Variants in ARHGAP39 observed in about 807,000 individuals in gnomAD.
ARHGAP39 encodes the protein Rho GTPase activating protein 39, also known as rho GTPase-activating protein 39.
A neutral mutation model predicts 106.9 loss-of-function variants in ARHGAP39; 44 were observed. The observed-to-expected ratio is 0.41, with a 90% CI of 0.32 to 0.53. The LOEUF is 0.53. ARHGAP39 is among the 20% of genes least tolerant of loss of function. ARHGAP39 has a pLI of 0.21. For synonymous variants in ARHGAP39, 768 were observed against 693.2 expected (o/e 1.11, Z -1.69); for missense variants, 1,496 against 1,577.3 (o/e 0.95, Z 0.87).
chr8:144,678,668 G>A (rs974699079), intron 1 of ARHGAP39, among the ~76,000 whole-genome samples: 7 of 152,320 alleles, frequency 4.6e-5, no homozygotes, highest in African/African-American at 1.2e-4. Context: ...TGAGCCTGGC[G>A]CCATCCTGTG....
upstream of ARHGAP39, among the ~76,000 whole-genome samples, chr8:144,686,944 C>CCG (rs1563738926): frequency 9.0e-5 from 4 of 44,402 alleles, no homozygotes; most frequent in African/African-American, 2.4e-4. Context: ...TTTCCCACCC[C>CCG]TGTGACCACG....
intron 3 of ARHGAP39, among the ~76,000 whole-genome samples, chr8:144,579,471 G>A (rs1818888694): frequency 6.6e-6 from 1 of 152,050 alleles, no homozygotes; most frequent in African/African-American, 2.4e-5. Flanking sequence ...AGCCTCCGCT[G>A]CTCACCCTGC....
intron 1 of ARHGAP39, among the ~76,000 whole-genome samples, chr8:144,636,044 G>A (rs1563718108): frequency 6.7e-6 from 1 of 150,126 alleles, no homozygotes; most frequent in East Asian, 2.0e-4. Flanking sequence ...ATTAGAGGGG[G>A]CTGAGCACTT....
At chr8:144,570,631 T>C (rs1161523023) in intron 3 of ARHGAP39, among the ~76,000 whole-genome samples, 1 of 152,034 alleles carries the variant, frequency 6.6e-6, no homozygotes, top group Non-Finnish European at 1.5e-5. Flanking sequence ...AAAGGAGAAA[T>C]GAACAAATTC....
At position 144,547,633 on chromosome 8, in the gene ARHGAP39, T is replaced by A; in HGVS notation, c.1453A>T (p.Thr485Ser). 1 of 1,522,580 alleles carries A rather than the reference T, an allele frequency of 6.6e-7. No individual in the cohort carries two copies. Among genetic ancestry groups the A allele is most frequent in the Non-Finnish European group, 8.8e-7 (1 of 1,136,410 alleles). The allele number at this position is 1,522,580 out of a possible 1,614,324, so 94.3% of individuals were successfully genotyped here. ...WSSQQDTLSS[T>S]GYSPGTRKRK... ...TTGCGCGTGCCCGGGGAGTAGCCTGTGGAGGACAGGGTGTCCTGCTGGCTG... is the reference window on the plus strand; with the variant it reads ...TTGCGCGTGCCCGGGGAGTAGCCTGAGGAGGACAGGGTGTCCTGCTGGCTG... Residue 485 changes from threonine (T) to serine (S), a missense_variant, in exon 5 of 12, where the codon ACA becomes TCA. Physicochemically the swap from Thr to Ser is moderately conservative, Grantham distance 58. This residue lies in a region of ARHGAP39 where 905 missense variants were observed against 816.4 expected (regional missense o/e 1.11). Transcript: ENST00000377307. This position sits in a 1 kb window ranked among gnomAD's most constrained non-coding sequence, Gnocchi z 5.2.
chr8:144,567,325 A>T (rs1818431353), intron 3 of ARHGAP39, among the ~76,000 whole-genome samples: 1 of 152,236 alleles, frequency 6.6e-6, no homozygotes. Context: ...CCAGAAGACA[A>T]GAGTGCGAGC....
At chr8:144,575,243 A>G (rs929321847) in intron 3 of ARHGAP39, among the ~76,000 whole-genome samples, 1 of 152,146 alleles carries the variant, frequency 6.6e-6, no homozygotes, top group Non-Finnish European at 1.5e-5. Flanking sequence ...TCCTAACTTG[A>G]CAACCCTGTA....
At chr8:144,655,948 C>T (rs4610795) in intron 1 of ARHGAP39, among the ~76,000 whole-genome samples, 66,393 of 151,968 alleles carry the variant, frequency 0.44, 14,987 homozygotes, top group Non-Finnish European at 0.5. Context: ...AGAAAGGGAA[C>T]AGCATATCTA....
chr8:144,562,401 A>G (rs924888439), intron 3 of ARHGAP39, among the ~76,000 whole-genome samples: 1 of 146,178 alleles, frequency 6.8e-6, no homozygotes, highest in East Asian at 2.1e-4. Flanking sequence ...AGTGGTTTCC[A>G]TCGCGCTCCA....
chr8:144,581,382 C>T, intron 2 of ARHGAP39, 105 bp from the exon 3 acceptor site: 1 of 1,269,440 alleles, frequency 7.9e-7, no homozygotes, highest in Non-Finnish European at 1.1e-6. Flanking sequence ...ACCCAGAAAT[C>T]CTGTCATAGA....
intron 6 of ARHGAP39, among the ~76,000 whole-genome samples, chr8:144,543,678 G>A (rs961365998): frequency 7.2e-5 from 11 of 152,248 alleles, no homozygotes; most frequent in Admixed American, 5.2e-4. Flanking sequence ...CCCCACAGGT[G>A]TAAGGCACAA....
intron 3 of ARHGAP39, among the ~76,000 whole-genome samples, chr8:144,575,604 C>A (rs1165309089): frequency 6.6e-6 from 1 of 152,156 alleles, no homozygotes; most frequent in Non-Finnish European, 1.5e-5. Context: ...GGAGCCATCA[C>A]CTCCTGAGAC....
At chr8:144,557,307 G>C (rs1203122146) in intron 3 of ARHGAP39, among the ~76,000 whole-genome samples, 5 of 79,404 alleles carry the variant, frequency 6.3e-5, no homozygotes, top group East Asian at 3.6e-4. Context: ...GCGGCAAAAG[G>C]CTGAACCTTC....
intron 2 of ARHGAP39, 36 bp downstream of exon 2, chr8:144,605,499 G>A (rs1349820797): frequency 6.2e-7 from 1 of 1,608,764 alleles, no homozygotes; most frequent in African/African-American, 1.3e-5. Flanking sequence ...CCACTCGTGA[G>A]GCCCGGGCAG....
In ARHGAP39 at chr8:144,609,198, T is replaced by C. The variant is rs1445317230; in HGVS notation, c.-81-3503A>G. On this transcript the variant is annotated intron_variant, in intron 1 of 11. Transcript: ENST00000377307. ...ACTGTAACTTTTTCATGAATGCCTT[T>C]TGTATTTTTAGTTTGTCAAGTTATT... Among the ~76,000 whole-genome samples the C allele has an allele frequency of 2.0e-5, 3 of 152,316 alleles. No homozygotes were observed. The East Asian group carries it at 5.8e-4, about 29-fold the overall frequency.
At chr8:144,571,390 C>T (rs1043538000) in intron 3 of ARHGAP39, among the ~76,000 whole-genome samples, 6 of 151,902 alleles carry the variant, frequency 3.9e-5, no homozygotes, top group African/African-American at 1.4e-4. Flanking sequence ...CTAAAAACCA[C>T]GATTATCTCA....
chr8:144,589,792 C>T (rs1011683899), intron 2 of ARHGAP39, among the ~76,000 whole-genome samples: 1 of 152,242 alleles, frequency 6.6e-6, no homozygotes, highest in South Asian at 2.1e-4. Context: ...GAATCAGCAG[C>T]CCTGGGCACA....
At chr8:144,687,337 CT>C (rs746865525), upstream of ARHGAP39, among the ~76,000 whole-genome samples, 413 of 16,328 alleles carry the variant, frequency 0.025, 100 homozygotes, top group East Asian at 0.39. Context: ...CTTCCCACCC[CT>C]GTGACCACGC....
chr8:144,575,885 G>T (rs1181138258), intron 3 of ARHGAP39, among the ~76,000 whole-genome samples: 1 of 152,134 alleles, frequency 6.6e-6, no homozygotes, highest in Non-Finnish European at 1.5e-5. Context: ...AACCATGGTA[G>T]GTCATAGAAC....
Sources: allele counts gnomAD v4.1 joint callset (sites outside exome capture counted in the v4.1 genomes callset), GRCh38; gene constraint gnomAD v4.1.1; regional missense constraint gnomAD v4.1.1; non-coding constraint Gnocchi (gnomAD v3.1); transcripts MANE v1.5; gene names NCBI Gene and HGNC (gene_info 2026-07-23, HGNC 2026-07-21).